The following CHRNA7 variants were observed in gnomAD, a reference collection of about 807,000 sequenced individuals.
The protein encoded by CHRNA7 is neuronal acetylcholine receptor subunit alpha-7.
In CHRNA7, 17 loss-of-function variants were observed where a neutral mutation model predicts 48.0. The ratio of observed to expected loss-of-function variants is 0.35; its 90% CI spans 0.24 to 0.53. The LOEUF (loss-of-function observed/expected upper bound fraction) is 0.53. Ranked by LOEUF, CHRNA7 falls within the 20% of genes least tolerant of loss-of-function variation. CHRNA7 has a pLI of 0.92. For missense variants in CHRNA7, 155 were observed against 577.7 expected, an observed-to-expected ratio of 0.27 and a Z score of 7.50; for synonymous variants, 75 against 242.3, an observed-to-expected ratio of 0.31 and a Z score of 6.41.
intron 4 of CHRNA7, among the ~76,000 whole-genome samples, chr15:32,118,378 G>A (rs766900888): frequency 2.6e-5 from 4 of 152,266 alleles, no homozygotes; most frequent in Non-Finnish European, 4.4e-5. Context: ...CAGGTGAGCA[G>A]AGGTAATTTT....
At position 32,061,180 on chromosome 15, in the gene CHRNA7, G is replaced by A. The variant is rs548429162; in HGVS notation, c.195+30143G>A. Among the ~76,000 whole-genome samples, 32 of 152,252 alleles carry A rather than the reference G, an allele frequency of 2.1e-4. No homozygotes were observed. The South Asian group carries it at 2.9e-3, about 14-fold the overall frequency. On this transcript the variant is annotated intron_variant, in intron 2 of 9. Transcript: ENST00000306901. ...TAGGAGTGGAACCACCATGCTCAGC[G>A]GGACTAGACAGCTGCCAAACAGTGG...
At chr15:32,072,132 TA>T (rs1595413453) in intron 2 of CHRNA7, among the ~76,000 whole-genome samples, 1 of 152,132 alleles carries the variant, frequency 6.6e-6, no homozygotes, top group African/African-American at 2.4e-5. Context: ...AGGAATTTAT[TA>T]AAAACGAGTA....
At chr15:32,056,966 G>A (rs774697263) in intron 2 of CHRNA7, among the ~76,000 whole-genome samples, 1 of 152,212 alleles carries the variant, frequency 6.6e-6, no homozygotes, top group African/African-American at 2.4e-5. Context: ...GGTTCAGAGA[G>A]CTTGACTCAG....
intron 4 of CHRNA7, among the ~76,000 whole-genome samples, chr15:32,137,072 C>G (rs2051282139): frequency 6.9e-6 from 1 of 144,888 alleles, no homozygotes; most frequent in African/African-American, 2.6e-5. Context: ...ACAGGAGAAA[C>G]CTAAATGCAA....
At chr15:32,138,578 G>A (rs2051315155) in intron 4 of CHRNA7, among the ~76,000 whole-genome samples, 1 of 151,818 alleles carries the variant, frequency 6.6e-6, no homozygotes, top group Non-Finnish European at 1.5e-5. Context: ...TCTCTTGGTG[G>A]CGTATGGGTT....
intron 4 of CHRNA7, among the ~76,000 whole-genome samples, chr15:32,145,689 GC>G (rs1297720444): frequency 2.0e-5 from 3 of 152,342 alleles, no homozygotes; most frequent in African/African-American, 7.2e-5. Context: ...TGCTGTGCTA[GC>G]AGTGAGCAAG....
At chr15:32,062,004 A>G (rs1281665781) in intron 2 of CHRNA7, among the ~76,000 whole-genome samples, 1 of 152,232 alleles carries the variant, frequency 6.6e-6, no homozygotes, top group Non-Finnish European at 1.5e-5. Context: ...TTTTGGTAAT[A>G]TAACTCTTGC....
intron 2 of CHRNA7, among the ~76,000 whole-genome samples, chr15:32,048,176 C>A (rs572455098): frequency 6.6e-6 from 1 of 152,288 alleles, no homozygotes; most frequent in South Asian, 2.1e-4. Flanking sequence ...CAGAATGATG[C>A]TGGCCTCATG....
intron 3 of CHRNA7, among the ~76,000 whole-genome samples, chr15:32,110,614 G>A (rs978646351): frequency 1.3e-5 from 2 of 152,142 alleles, no homozygotes; most frequent in African/African-American, 4.8e-5. Flanking sequence ...TTCCCTTGTT[G>A]TATCAATAGC....
intron 4 of CHRNA7, among the ~76,000 whole-genome samples, chr15:32,128,134 G>C (rs893373446): frequency 8.6e-5 from 13 of 151,890 alleles, no homozygotes; most frequent in African/African-American, 2.9e-4. Flanking sequence ...TCTACTATTG[G>C]GTTCTCAATT....
intron 4 of CHRNA7, among the ~76,000 whole-genome samples, chr15:32,116,932 G>A (rs968436199): frequency 4.6e-5 from 7 of 152,198 alleles, no homozygotes; most frequent in African/African-American, 1.7e-4. Context: ...TGACCCTGTG[G>A]CTGATAGCAG....
intron 2 of CHRNA7, among the ~76,000 whole-genome samples, chr15:32,092,466 T>A (rs900548173): frequency 6.6e-6 from 1 of 152,176 alleles, no homozygotes; most frequent in Admixed American, 6.5e-5. Context: ...TGCTTGTTAT[T>A]TTAAAATTTT....
chr15:32,122,102 C>T (rs1707887450), intron 4 of CHRNA7, among the ~76,000 whole-genome samples: 1 of 152,166 alleles, frequency 6.6e-6, no homozygotes, highest in African/African-American at 2.4e-5. Flanking sequence ...TTGGGAGCAA[C>T]CAAGTTCTAT....
chr15:32,047,032 T>A (rs1286442332), intron 2 of CHRNA7, among the ~76,000 whole-genome samples: 2 of 137,364 alleles, frequency 1.5e-5, no homozygotes, highest in African/African-American at 3.1e-5. Context: ...GGTCTATATC[T>A]CTGTTTTGGT....
intron 2 of CHRNA7, among the ~76,000 whole-genome samples, chr15:32,059,558 C>T (rs931134985): frequency 5.9e-5 from 9 of 152,034 alleles, no homozygotes; most frequent in African/African-American, 1.9e-4. Flanking sequence ...ACTGTGTGTA[C>T]CTCCCACCAC....
At chr15:32,073,276 G>C (rs2050086366) in intron 2 of CHRNA7, among the ~76,000 whole-genome samples, 1 of 152,226 alleles carries the variant, frequency 6.6e-6, no homozygotes, top group Admixed American at 6.5e-5. Context: ...TTTCAGACTT[G>C]TGTGTGGCCT....
chr15:32,052,394 G>T (rs896768752), intron 2 of CHRNA7, among the ~76,000 whole-genome samples: 1 of 152,148 alleles, frequency 6.6e-6, no homozygotes, highest in African/African-American at 2.4e-5. Context: ...ACCAGTGACT[G>T]GGAAGACAGT....
intron 4 of CHRNA7, among the ~76,000 whole-genome samples, chr15:32,147,424 C>T (rs953529581): frequency 4.3e-4 from 66 of 152,106 alleles, no homozygotes; most frequent in African/African-American, 1.5e-3. Context: ...ACAGATAGCA[C>T]GTGCCTGCAG....
At chr15:32,120,422 C>A (rs1595470044) in intron 4 of CHRNA7, among the ~76,000 whole-genome samples, 1 of 146,764 alleles carries the variant, frequency 6.8e-6, no homozygotes. Flanking sequence ...GTGGGGTTTT[C>A]TTTTCTTTTC....
Sources: gnomAD v4.1 joint callset for allele counts (sites outside exome capture counted in the v4.1 genomes callset) on GRCh38, gnomAD v4.1.1 for gene constraint, MANE v1.5 for transcripts, NCBI Gene and HGNC (gene_info 2026-07-23, HGNC 2026-07-21) for gene names.